TENM4: variants seen among roughly 807,000 people sequenced by gnomAD.
TENM4 encodes teneurin transmembrane protein 4, also known as teneurin-4.
In TENM4, 82 loss-of-function variants were observed where a neutral mutation model predicts 243.3. That is an observed-to-expected ratio of 0.34 (90% CI 0.28 to 0.40). The LOEUF (loss-of-function observed/expected upper bound fraction) is 0.40, where lower values mean the gene tolerates loss of function less well. TENM4 is among the 10% of genes least tolerant of loss of function. The probability of loss-of-function intolerance (pLI) is 1.00; values close to 1 mark genes in which losing one functional copy is unlikely to be tolerated. For missense variants in TENM4, 3,138 were observed against 3,673.3 expected (o/e 0.85, Z 3.77); for synonymous variants, 1,412 against 1,456.3 (o/e 0.97, Z 0.69).
At chr11:78,946,514 C>T (rs1220734094) in intron 6 of TENM4, among the ~76,000 whole-genome samples, 1 of 152,226 alleles carries the variant, frequency 6.6e-6, no homozygotes, top group African/African-American at 2.4e-5. Flanking sequence ...GCTCATGTAA[C>T]ACCCATTCTT....
Position 78,928,940 on chromosome 11 carries a change from T to C in TENM4, c.494-25417A>G, listed in dbSNP as rs961928514. On this transcript the variant is annotated intron_variant, in intron 6 of 33. Transcript: ENST00000278550. ...CACTTCCTACAGTTTTGTGTCTGCATCTTGCAGAATGAAAAATGCACTGGC... is the reference window on the plus strand; with the variant it reads ...CACTTCCTACAGTTTTGTGTCTGCACCTTGCAGAATGAAAAATGCACTGGC... Among the ~76,000 whole-genome samples, 3 of 152,238 alleles carry C rather than the reference T, an allele frequency of 2.0e-5. 1 individual carries two copies. The highest frequency in any genetic ancestry group is 4.4e-5 in the Non-Finnish European group (3 of 68,048).
intron 23 of TENM4, among the ~76,000 whole-genome samples, chr11:78,723,771 G>C (rs1405664967): frequency 1.3e-5 from 2 of 152,190 alleles, no homozygotes; most frequent in South Asian, 2.1e-4. Flanking sequence ...CAAGTGAGCT[G>C]TGCTCTTACA....
At chr11:79,084,912 G>A (rs1396289169) in intron 4 of TENM4, among the ~76,000 whole-genome samples, 12 of 152,166 alleles carry the variant, frequency 7.9e-5, no homozygotes, top group Admixed American at 7.9e-4. Flanking sequence ...AAGATGAGTG[G>A]ATTGTATCAA....
intron 6 of TENM4, among the ~76,000 whole-genome samples, chr11:78,986,285 TATTA>T (rs1259317032): frequency 6.6e-6 from 1 of 152,200 alleles, no homozygotes; most frequent in African/African-American, 2.4e-5. Flanking sequence ...AGAAAATGGA[TATTA>T]ATCAAACACA....
chr11:78,831,920 A>G (rs2136148828), intron 12 of TENM4, among the ~76,000 whole-genome samples: 1 of 152,332 alleles, frequency 6.6e-6, no homozygotes, highest in East Asian at 1.9e-4. Context: ...CAAGCCAGTC[A>G]ATATACCCTT....
At chr11:78,935,349 A>G (rs1856762276) in intron 6 of TENM4, among the ~76,000 whole-genome samples, 1 of 152,166 alleles carries the variant, frequency 6.6e-6, no homozygotes, top group South Asian at 2.1e-4. Context: ...GAACACTTGG[A>G]AAAAAGGAAG....
chr11:79,229,043 T>C (rs894960926), intron 2 of TENM4, among the ~76,000 whole-genome samples: 1 of 152,242 alleles, frequency 6.6e-6, no homozygotes, highest in Non-Finnish European at 1.5e-5. Context: ...TGGCCTTGAC[T>C]GTTAGTGTGA....
chr11:79,311,148 A>G (rs952522750), intron 1 of TENM4, among the ~76,000 whole-genome samples: 1 of 152,212 alleles, frequency 6.6e-6, no homozygotes, highest in Non-Finnish European at 1.5e-5. Flanking sequence ...CAGAGTGTAC[A>G]TAGGGCATTT....
At chr11:79,214,139 C>A (rs775054077) in intron 3 of TENM4, among the ~76,000 whole-genome samples, 1 of 152,032 alleles carries the variant, frequency 6.6e-6, no homozygotes, top group African/African-American at 2.4e-5. Context: ...CTACAGGTAC[C>A]TGCCACCACG....
At chr11:79,281,623 A>C (rs571620031) in intron 2 of TENM4, among the ~76,000 whole-genome samples, 1 of 152,134 alleles carries the variant, frequency 6.6e-6, no homozygotes. Context: ...CTGTAGGGCC[A>C]TGGAGGGAAA....
intron 1 of TENM4, among the ~76,000 whole-genome samples, chr11:79,308,943 G>A (rs1856673183): frequency 6.6e-6 from 1 of 152,194 alleles, no homozygotes; most frequent in African/African-American, 2.4e-5. Flanking sequence ...GGGTATATCA[G>A]TAACAGGCAA....
At chr11:78,997,172 A>G (rs962613212) in intron 6 of TENM4, among the ~76,000 whole-genome samples, 16 of 152,232 alleles carry the variant, frequency 1.1e-4, no homozygotes, top group African/African-American at 3.4e-4. Context: ...TGTTTGGTAC[A>G]TGGTAAATGC....
intron 13 of TENM4, among the ~76,000 whole-genome samples, chr11:78,813,851 G>A (rs957145589): frequency 6.6e-6 from 1 of 152,226 alleles, no homozygotes; most frequent in Non-Finnish European, 1.5e-5. Flanking sequence ...TTCTGCCTGT[G>A]CTGTTAGAAA....
intron 4 of TENM4, among the ~76,000 whole-genome samples, chr11:79,130,447 A>C (rs1424222101): frequency 6.7e-6 from 1 of 149,820 alleles, no homozygotes; most frequent in Non-Finnish European, 1.5e-5. Context: ...TCAGGGAGGG[A>C]CCAGAGAAAG....
intron 31 of TENM4, among the ~76,000 whole-genome samples, chr11:78,671,581 G>A (rs1318876091): frequency 2.0e-5 from 3 of 152,242 alleles, no homozygotes; most frequent in Non-Finnish European, 4.4e-5. Flanking sequence ...GATGACATGA[G>A]TTCTGATGCT....
At chr11:79,334,271 C>G (rs1380526482) in intron 1 of TENM4, among the ~76,000 whole-genome samples, 1 of 152,202 alleles carries the variant, frequency 6.6e-6, no homozygotes, top group Non-Finnish European at 1.5e-5. Context: ...CAGAGTGGGC[C>G]CATCTGGAGA....
At chr11:79,418,042 T>C (rs994959781) in intron 1 of TENM4, among the ~76,000 whole-genome samples, 14 of 152,190 alleles carry the variant, frequency 9.2e-5, no homozygotes, top group Admixed American at 6.5e-5. Context: ...GTATCAGTAG[T>C]GGGATTGTCT....
chr11:79,329,237 G>A (rs1023844201), intron 1 of TENM4, among the ~76,000 whole-genome samples: 1 of 152,158 alleles, frequency 6.6e-6, no homozygotes, highest in Non-Finnish European at 1.5e-5. Flanking sequence ...TCCACAGTTG[G>A]CACAAGGGTA....
chr11:78,848,501 C>A (rs1269746170), intron 12 of TENM4, among the ~76,000 whole-genome samples: 1 of 152,066 alleles, frequency 6.6e-6, no homozygotes, highest in African/African-American at 2.4e-5. Flanking sequence ...TTAACACCTG[C>A]CCTCCCATTT....
Sources: allele counts gnomAD v4.1 joint callset (sites outside exome capture counted in the v4.1 genomes callset), GRCh38; gene constraint gnomAD v4.1.1; transcripts MANE v1.5; gene names NCBI Gene and HGNC (gene_info 2026-07-23, HGNC 2026-07-21).